HMGCLL1: variants seen among roughly 807,000 people sequenced by gnomAD.
HMGCLL1 encodes the protein 3-hydroxy-3-methylglutaryl-CoA lyase like 1, also known as 3-hydroxymethyl-3-methylglutaryl-CoA lyase, cytoplasmic.
Under a neutral mutation model 39.1 loss-of-function variants are expected in HMGCLL1, and 36 were observed. That is an observed-to-expected ratio of 0.92 (90% confidence interval 0.71 to 1.22). The LOEUF (loss-of-function observed/expected upper bound fraction) is 1.22, where lower values mean the gene tolerates loss of function less well. HMGCLL1 is among the 50% of genes most tolerant of loss of function. The pLI is 0.00. For missense variants in HMGCLL1, 451 were observed against 416.5 expected (o/e 1.08, Z -0.72); for synonymous variants, 149 against 144.0 (o/e 1.03, Z -0.25).
chr6:55,551,269 G>A (rs1265133979), intron 1 of HMGCLL1, among the ~76,000 whole-genome samples: 1 of 151,904 alleles, frequency 6.6e-6, no homozygotes, highest in Non-Finnish European at 1.5e-5. Flanking sequence ...GAGACCCAAA[G>A]TATCATTATA....
the HMGCLL1 span, among the ~76,000 whole-genome samples, chr6:55,600,963 GT>G: frequency 6.6e-6 from 1 of 152,092 alleles, no homozygotes; most frequent in Non-Finnish European, 1.5e-5. Flanking sequence ...GAAAATCATA[GT>G]TTAAGAAAGA....
At position 55,434,987 on chromosome 6, in the gene HMGCLL1, T is replaced by A. The variant is rs1348355000; in HGVS notation, c.*675A>T. On this transcript the variant is annotated 3_prime_UTR_variant, in exon 9 of 9. Coordinates refer to ENST00000274901, the MANE Select transcript of HMGCLL1 (RefSeq NM_001042406.2). ...GGTTTTTACTATAACTGATGACAGG[T>A]AAAGTGTGGTAAACTGGATGCATGT... The A allele has an allele frequency of 6.6e-6, 1 of 152,440 alleles. No individual in the cohort carries two copies. Among genetic ancestry groups the A allele is most frequent in the Non-Finnish European group, 1.5e-5 (1 of 67,984 alleles). 9.4% of individuals were successfully genotyped at this position (152,440 alleles called of 1,614,324 possible).
At chr6:55,548,326 C>A (rs1311879160) in intron 1 of HMGCLL1, among the ~76,000 whole-genome samples, 3 of 151,940 alleles carry the variant, frequency 2.0e-5, no homozygotes, top group Non-Finnish European at 2.9e-5. Context: ...AATATTAACT[C>A]TTGGAACTCA....
intron 7 of HMGCLL1, among the ~76,000 whole-genome samples, chr6:55,443,414 T>G (rs1300711552): frequency 6.6e-6 from 1 of 152,188 alleles, no homozygotes; most frequent in Non-Finnish European, 1.5e-5. Context: ...TTCTCGCTAC[T>G]GAGGATCAAG....
the HMGCLL1 span, among the ~76,000 whole-genome samples, chr6:55,627,419 A>G: frequency 1.3e-5 from 2 of 152,014 alleles, no homozygotes; most frequent in Non-Finnish European, 2.9e-5. Flanking sequence ...AGGCGTAATT[A>G]TAACCTCATT....
intron 7 of HMGCLL1, among the ~76,000 whole-genome samples, chr6:55,471,169 C>A (rs577288599): frequency 6.6e-6 from 1 of 151,902 alleles, no homozygotes; most frequent in East Asian, 1.9e-4. Context: ...CTTTACATAA[C>A]TAGAATATTA....
intron 1 of HMGCLL1, among the ~76,000 whole-genome samples, chr6:55,560,281 T>C (rs1221054229): frequency 1.3e-5 from 2 of 152,158 alleles, no homozygotes; most frequent in African/African-American, 4.8e-5. Context: ...AGAGCAAAAC[T>C]ATAAAGGTGT....
the HMGCLL1 span, among the ~76,000 whole-genome samples, chr6:55,650,136 C>CATATATATATATATATATATATATATAT: frequency 2.3e-5 from 1 of 43,044 alleles, no homozygotes; most frequent in Non-Finnish European, 4.5e-5. Context: ...TATATATATA[C>CATATATATATATATATATATATATATAT]ACACACACAC....
chr6:55,446,469 C>T (rs1763844917), intron 7 of HMGCLL1, among the ~76,000 whole-genome samples: 1 of 151,806 alleles, frequency 6.6e-6, no homozygotes, highest in African/African-American at 2.4e-5. Flanking sequence ...GTTATGTGTG[C>T]TCCGTCTACT....
chr6:55,525,163 A>C (rs1266405876), intron 3 of HMGCLL1, among the ~76,000 whole-genome samples: 1 of 151,172 alleles, frequency 6.6e-6, no homozygotes, highest in African/African-American at 2.4e-5. Flanking sequence ...GACTTGGTCT[A>C]TGCTGGTCTA....
At chr6:55,601,807 G>A in the HMGCLL1 span, among the ~76,000 whole-genome samples, 1 of 152,066 alleles carries the variant, frequency 6.6e-6, no homozygotes, top group Non-Finnish European at 1.5e-5. Context: ...ATTTTATAAT[G>A]TTAATTTCAC....
the HMGCLL1 span, among the ~76,000 whole-genome samples, chr6:55,600,685 C>T: frequency 6.6e-6 from 1 of 151,978 alleles, no homozygotes; most frequent in Admixed American, 6.6e-5. Context: ...ACATAAAAAA[C>T]ATTTTTATGT....
chr6:55,607,805 A>G, the HMGCLL1 span, among the ~76,000 whole-genome samples: 1 of 152,158 alleles, frequency 6.6e-6, no homozygotes, highest in Non-Finnish European at 1.5e-5. Context: ...TACTTCTCCT[A>G]GAATCCAGAC....
At chr6:55,535,350 A>G (rs1377354222) in intron 3 of HMGCLL1, among the ~76,000 whole-genome samples, 4 of 152,218 alleles carry the variant, frequency 2.6e-5, no homozygotes, top group African/African-American at 9.6e-5. Context: ...GAATATGAAG[A>G]CTTCACCAAT....
At chr6:55,500,297 A>AT (rs568530148) in intron 5 of HMGCLL1, among the ~76,000 whole-genome samples, 1 of 152,002 alleles carries the variant, frequency 6.6e-6, no homozygotes, top group African/African-American at 2.4e-5. Context: ...GCAAGATCAG[A>AT]TTTGTTTCCC....
At chr6:55,590,549 A>G in the HMGCLL1 span, among the ~76,000 whole-genome samples, 1 of 152,124 alleles carries the variant, frequency 6.6e-6, no homozygotes, top group South Asian at 2.1e-4. Context: ...AAATTGACAA[A>G]TGGGATCTAA....
At chr6:55,454,955 A>T (rs1324647357) in intron 7 of HMGCLL1, among the ~76,000 whole-genome samples, 1 of 151,970 alleles carries the variant, frequency 6.6e-6, no homozygotes, top group Non-Finnish European at 1.5e-5. Context: ...AGTACAAAAA[A>T]TATTACAGGC....
intron 3 of HMGCLL1, among the ~76,000 whole-genome samples, chr6:55,536,133 G>C (rs951691363): frequency 6.6e-6 from 1 of 152,074 alleles, no homozygotes; most frequent in African/African-American, 2.4e-5. Context: ...GTTCCTTCTT[G>C]CTAACATTGT....
chr6:55,658,120 T>C, the HMGCLL1 span, among the ~76,000 whole-genome samples: 1 of 151,818 alleles, frequency 6.6e-6, no homozygotes, highest in Non-Finnish European at 1.5e-5. Flanking sequence ...AATTCTAAAA[T>C]TCTTGAGCTC....
Sources: gnomAD v4.1 joint callset for allele counts (sites outside exome capture counted in the v4.1 genomes callset) on GRCh38, gnomAD v4.1.1 for gene constraint, MANE v1.5 for transcripts, NCBI Gene and HGNC (gene_info 2026-07-23, HGNC 2026-07-21) for gene names.